The following SPAG16 variants were observed in gnomAD, a reference collection of about 807,000 sequenced individuals.
The protein encoded by SPAG16 is sperm-associated antigen 16 protein.
A neutral mutation model predicts 80.4 loss-of-function variants in SPAG16; 86 were observed. The ratio of observed to expected loss-of-function variants is 1.07; its 90% CI spans 0.90 to 1.28. The LOEUF (loss-of-function observed/expected upper bound fraction) is 1.28, where lower values mean the gene tolerates loss of function less well. SPAG16 is among the 50% of genes most tolerant of loss of function. The probability of loss-of-function intolerance (pLI) is 0.00; values close to 1 mark genes in which losing one functional copy is unlikely to be tolerated. For synonymous variants in SPAG16, 294 were observed against 265.9 expected, an observed-to-expected ratio of 1.11 and a Z score of -1.03; for missense variants, 870 against 765.3, an observed-to-expected ratio of 1.14 and a Z score of -1.61.
intron 1 of SPAG16, among the ~76,000 whole-genome samples, chr2:213,288,816 A>T (rs2062156295): frequency 6.6e-6 from 1 of 152,072 alleles, no homozygotes. Flanking sequence ...GTAGTATTAT[A>T]ATTGTTCTGA....
chr2:214,097,880 T>C (rs1417462033), intron 13 of SPAG16, among the ~76,000 whole-genome samples: 1 of 152,028 alleles, frequency 6.6e-6, no homozygotes, highest in African/African-American at 2.4e-5. Flanking sequence ...CAAAGCACTT[T>C]ACACCAATTC....
chr2:213,528,229 T>A (rs1276077898), intron 10 of SPAG16, among the ~76,000 whole-genome samples: 2 of 152,114 alleles, frequency 1.3e-5, no homozygotes. Flanking sequence ...TCCAATATTA[T>A]GTTTGCAATT....
chr2:213,322,050 G>A (rs2063632059), intron 5 of SPAG16, among the ~76,000 whole-genome samples: 2 of 150,248 alleles, frequency 1.3e-5, no homozygotes, highest in Non-Finnish European at 3.0e-5. Context: ...TTGTGCACAT[G>A]TACCCTAAAA....
intron 10 of SPAG16, among the ~76,000 whole-genome samples, chr2:213,512,034 A>C (rs1467153685): frequency 1.3e-5 from 2 of 152,126 alleles, no homozygotes; most frequent in African/African-American, 2.4e-5. Context: ...TTTTATAGAG[A>C]AGCACAGATT....
At chr2:213,541,144 G>A (rs10755026) in intron 10 of SPAG16, among the ~76,000 whole-genome samples, 151,668 of 152,340 alleles carry the variant, frequency 1, 75,502 homozygotes, top group Middle Eastern at 1. Flanking sequence ...CGGTGAAAAC[G>A]AAAGGCTGAG....
rs533150902 is a variant in SPAG16 at position 213,637,412 on chromosome 2, A to C, written c.1070+147322A>C. On this transcript the variant is annotated intron_variant, in intron 10 of 15. Transcript: ENST00000331683. ...TGGTCTGTAGTTTTCTTTCTTTGTT[A>C]TGTCCTTTTCTTGTTTTGGTGTTAG... Among the ~76,000 whole-genome samples the C allele has an allele frequency of 9.9e-5, 15 of 152,064 alleles. No individual in the cohort carries two copies. The South Asian group carries it at 3.1e-3, about 32-fold the overall frequency.
chr2:213,909,319 T>C (rs1013968080), intron 11 of SPAG16, among the ~76,000 whole-genome samples: 1 of 152,100 alleles, frequency 6.6e-6, no homozygotes, highest in Non-Finnish European at 1.5e-5. Flanking sequence ...AATTTATAGA[T>C]TCAATGCCAT....
At chr2:214,130,110 T>C (rs914062697) in intron 14 of SPAG16, among the ~76,000 whole-genome samples, 5 of 152,196 alleles carry the variant, frequency 3.3e-5, no homozygotes, top group Non-Finnish European at 1.5e-5. Context: ...AATCCATTTA[T>C]GCAAATGAAG....
chr2:213,705,345 G>T (rs1449185100), intron 10 of SPAG16, among the ~76,000 whole-genome samples: 5 of 152,206 alleles, frequency 3.3e-5, no homozygotes, highest in African/African-American at 1.2e-4. Flanking sequence ...TTGATTTAAA[G>T]TGTCACACTG....
intron 15 of SPAG16, among the ~76,000 whole-genome samples, chr2:214,331,892 C>T (rs1350720554): frequency 6.6e-6 from 1 of 152,166 alleles, no homozygotes; most frequent in Admixed American, 6.5e-5. Flanking sequence ...CAGACCCATA[C>T]CTGGAAAATG....
At chr2:213,879,111 A>C (rs1352922150) in intron 11 of SPAG16, among the ~76,000 whole-genome samples, 1 of 149,382 alleles carries the variant, frequency 6.7e-6, no homozygotes, top group African/African-American at 2.4e-5. Context: ...CTTTTTGCTT[A>C]GGATTGCTTT....
At chr2:214,027,368 A>G (rs562814150) in intron 13 of SPAG16, among the ~76,000 whole-genome samples, 18 of 151,782 alleles carry the variant, frequency 1.2e-4, no homozygotes, top group Non-Finnish European at 2.1e-4. Flanking sequence ...AATGATATAG[A>G]TGTATCACTG....
intron 10 of SPAG16, among the ~76,000 whole-genome samples, chr2:213,804,588 CAGG>C (rs1371331665): frequency 6.6e-6 from 1 of 152,136 alleles, no homozygotes; most frequent in Non-Finnish European, 1.5e-5. Context: ...GAGGCTGAGG[CAGG>C]AGAATGGCGT....
At chr2:213,911,081 T>A (rs2077644031) in intron 11 of SPAG16, among the ~76,000 whole-genome samples, 1 of 152,180 alleles carries the variant, frequency 6.6e-6, no homozygotes, top group Admixed American at 6.5e-5. Flanking sequence ...AAAAAGTGAT[T>A]ACCATCAATC....
At chr2:214,317,613 C>T (rs1316032241) in intron 15 of SPAG16, among the ~76,000 whole-genome samples, 1 of 152,092 alleles carries the variant, frequency 6.6e-6, no homozygotes, top group African/African-American at 2.4e-5. Flanking sequence ...AACAATAGGC[C>T]AGAGGTGGTG....
chr2:213,996,408 A>G (rs1322284035), intron 12 of SPAG16, among the ~76,000 whole-genome samples: 1 of 152,164 alleles, frequency 6.6e-6, no homozygotes, highest in African/African-American at 2.4e-5. Flanking sequence ...TTTACTGAAA[A>G]TAATAAAATT....
At chr2:213,838,683 A>C (rs2125747299) in intron 10 of SPAG16, among the ~76,000 whole-genome samples, 4 of 152,368 alleles carry the variant, frequency 2.6e-5, no homozygotes, top group Admixed American at 2.6e-4. Flanking sequence ...TTATAGACAG[A>C]GAAGACTGAG....
intron 15 of SPAG16, chr2:214,240,042 G>T (rs1404335298): frequency 1.3e-5 from 2 of 152,154 alleles, no homozygotes; most frequent in African/African-American, 4.8e-5. Context: ...ATGTGAGGTG[G>T]TCATTAAAGA....
At chr2:214,166,582 GTA>G (rs146874637) in intron 15 of SPAG16, among the ~76,000 whole-genome samples, 5,121 of 152,170 alleles carry the variant, frequency 0.034, 307 homozygotes, top group African/African-American at 0.12. Flanking sequence ...ATTTACATAT[GTA>G]TTTCCTTAAT....
Sources: allele counts gnomAD v4.1 joint callset (sites outside exome capture counted in the v4.1 genomes callset), GRCh38; gene constraint gnomAD v4.1.1; transcripts MANE v1.5; gene names NCBI Gene and HGNC (gene_info 2026-07-23, HGNC 2026-07-21).